The following FHIT variants were observed in gnomAD, a reference collection of about 807,000 sequenced individuals.
FHIT encodes the protein fragile histidine triad diadenosine triphosphatase.
A neutral mutation model predicts 17.9 loss-of-function variants in FHIT; 19 were observed. The ratio of observed to expected loss-of-function variants is 1.06; its 90% CI spans 0.74 to 1.56. The LOEUF (loss-of-function observed/expected upper bound fraction) is 1.56, where lower values mean the gene tolerates loss of function less well. Ranked by LOEUF, FHIT falls within the 40% of genes most tolerant of loss-of-function variation. The pLI, the probability that FHIT is intolerant of heterozygous loss-of-function variation, is 0.00. For synonymous variants in FHIT, 81 were observed against 69.7 expected (o/e 1.16, Z -0.81); for missense variants, 248 against 189.2 (o/e 1.31, Z -1.82).
intron 1 of FHIT, among the ~76,000 whole-genome samples, chr3:61,242,847 G>A (rs1156939131): frequency 6.6e-6 from 1 of 152,172 alleles, no homozygotes; most frequent in African/African-American, 2.4e-5. Context: ...CAACCTGGGT[G>A]GTGCTATCTG....
chr3:59,864,854 A>G (rs943561845), intron 8 of FHIT, among the ~76,000 whole-genome samples: 2 of 151,922 alleles, frequency 1.3e-5, no homozygotes, highest in South Asian at 2.1e-4. Context: ...AACATTTTGC[A>G]TGCTGTTCAT....
At chr3:60,060,001 G>C (rs1702236246) in intron 5 of FHIT, among the ~76,000 whole-genome samples, 1 of 151,758 alleles carries the variant, frequency 6.6e-6, no homozygotes, top group African/African-American at 2.4e-5. Context: ...GTTTTGTTTT[G>C]TTTTCCTTTT....
At chr3:60,476,743 A>G (rs535649533) in intron 5 of FHIT, among the ~76,000 whole-genome samples, 12 of 152,132 alleles carry the variant, frequency 7.9e-5, no homozygotes, top group African/African-American at 2.9e-4. Context: ...AAATCAGCTG[A>G]CCATTTATAA....
chr3:60,959,898 C>A (rs2107491469), intron 3 of FHIT, among the ~76,000 whole-genome samples: 1 of 149,428 alleles, frequency 6.7e-6, no homozygotes, highest in South Asian at 2.1e-4. Flanking sequence ...TTGATTATTT[C>A]CAACCCTTTC....
intron 5 of FHIT, among the ~76,000 whole-genome samples, chr3:60,061,672 C>T (rs1020113205): frequency 4.8e-4 from 73 of 152,118 alleles, no homozygotes; most frequent in Admixed American, 2.6e-4. Context: ...TAAAATATTG[C>T]AAGTCAAGTA....
intron 3 of FHIT, among the ~76,000 whole-genome samples, chr3:61,007,236 A>G (rs974587473): frequency 6.6e-6 from 1 of 152,240 alleles, no homozygotes; most frequent in South Asian, 2.1e-4. Flanking sequence ...ATGTGTTTAC[A>G]TCACAAAGTT....
intron 4 of FHIT, among the ~76,000 whole-genome samples, chr3:60,811,211 A>G (rs1447992527): frequency 6.6e-6 from 1 of 152,170 alleles, no homozygotes; most frequent in African/African-American, 2.4e-5. Context: ...CTGTCCTGAG[A>G]TTTCTACCAT....
At chr3:60,443,614 G>A (rs564074494) in intron 5 of FHIT, among the ~76,000 whole-genome samples, 1 of 152,196 alleles carries the variant, frequency 6.6e-6, no homozygotes, top group South Asian at 2.1e-4. Context: ...TGCATCCCAG[G>A]GATGAAGCCC....
chr3:60,442,337 A>C (rs1228101512), intron 5 of FHIT, among the ~76,000 whole-genome samples: 3 of 152,116 alleles, frequency 2.0e-5, no homozygotes, highest in Non-Finnish European at 4.4e-5. Flanking sequence ...TAGAAAAGAA[A>C]AACTCCCCCC....
intron 3 of FHIT, among the ~76,000 whole-genome samples, chr3:60,970,831 C>T (rs1709973544): frequency 6.6e-6 from 1 of 152,064 alleles, no homozygotes; most frequent in African/African-American, 2.4e-5. Flanking sequence ...CCAACATATA[C>T]AAAAATAGAC....
At chr3:59,920,469 G>T (rs1448426903) in intron 8 of FHIT, among the ~76,000 whole-genome samples, 3 of 152,318 alleles carry the variant, frequency 2.0e-5, no homozygotes, top group African/African-American at 7.2e-5. Context: ...CAAGGGCAAA[G>T]GAATAAGACA....
chr3:61,033,451 T>C (rs1196182245), intron 3 of FHIT, among the ~76,000 whole-genome samples: 1 of 152,234 alleles, frequency 6.6e-6, no homozygotes, highest in African/African-American at 2.4e-5. Flanking sequence ...AATAATTTTT[T>C]ATATTGATTA....
chr3:59,951,246 C>T (rs1356522232), intron 7 of FHIT, among the ~76,000 whole-genome samples: 1 of 152,080 alleles, frequency 6.6e-6, no homozygotes, highest in Admixed American at 6.5e-5. Context: ...ACCATGAACC[C>T]ACCTGGGTTC....
chr3:60,487,731 T>C (rs2033901405), intron 5 of FHIT, among the ~76,000 whole-genome samples: 1 of 152,172 alleles, frequency 6.6e-6, no homozygotes, highest in African/African-American at 2.4e-5. Context: ...ATTTTAATCA[T>C]ACAAAATAGT....
intron 8 of FHIT, among the ~76,000 whole-genome samples, chr3:59,790,183 C>A (rs886750526): frequency 1.3e-5 from 2 of 152,134 alleles, no homozygotes; most frequent in Non-Finnish European, 2.9e-5. Context: ...AATAATAGGG[C>A]CAGTAGTTTA....
At chr3:60,813,435 G>A (rs2106726271) in intron 4 of FHIT, among the ~76,000 whole-genome samples, 1 of 152,176 alleles carries the variant, frequency 6.6e-6, no homozygotes, top group African/African-American at 2.4e-5. Flanking sequence ...CTTAATGCCT[G>A]TTCTGGTGCA....
rs551800245 is a variant in FHIT, at chr3:61,030,360, C to T, written c.-111+11687G>A. ...GAGACATTCATTCGTTCATTCAATA[C>T]GTTTGCGAGATCTGCAGTGTCATTT... On this transcript the variant is annotated intron_variant, in intron 3 of 9. Coordinates refer to ENST00000492590, the MANE Select transcript of FHIT (RefSeq NM_002012.4). 9.8e-5 allele frequency among the ~76,000 whole-genome samples: 15 copies of T among 152,306 alleles called. No homozygotes were observed. The East Asian group carries it at 2.1e-3, about 22-fold the overall frequency.
intron 5 of FHIT, among the ~76,000 whole-genome samples, chr3:60,514,516 T>C (rs1291124722): frequency 6.6e-6 from 1 of 152,138 alleles, no homozygotes; most frequent in Admixed American, 6.5e-5. Context: ...AAGGAGAGCA[T>C]CAGGTTAAAT....
At chr3:61,007,064 A>G (rs6809666) in intron 3 of FHIT, among the ~76,000 whole-genome samples, 3,450 of 152,296 alleles carry the variant, frequency 0.023, 62 homozygotes, top group African/African-American at 0.049. Flanking sequence ...CTTATCATAG[A>G]AAAGTCTCTA....
Sources: gnomAD v4.1 joint callset for allele counts (sites outside exome capture counted in the v4.1 genomes callset) on GRCh38, gnomAD v4.1.1 for gene constraint, MANE v1.5 for transcripts, NCBI Gene and HGNC (gene_info 2026-07-23, HGNC 2026-07-21) for gene names.